Variants in MCPH1 observed in about 807,000 individuals in gnomAD.
The protein encoded by MCPH1 is microcephalin 1.
In MCPH1, 104 loss-of-function variants were observed where a neutral mutation model predicts 84.5. The observed-to-expected ratio is 1.23, with a 90% CI of 1.05 to 1.45. MCPH1 has a LOEUF of 1.45. MCPH1 is among the 40% of genes most tolerant of loss of function. The probability of loss-of-function intolerance (pLI) is 0.00; values close to 1 mark genes in which losing one functional copy is unlikely to be tolerated. For synonymous variants in MCPH1, 514 were observed against 366.8 expected (o/e 1.40, Z -4.58); for missense variants, 1,498 against 1,005.7 (o/e 1.49, Z -6.62).
At chr8:6,642,220 A>G (rs1470514016) in intron 13 of MCPH1, among the ~76,000 whole-genome samples, 1 of 152,166 alleles carries the variant, frequency 6.6e-6, no homozygotes, top group Non-Finnish European at 1.5e-5. Flanking sequence ...AATTGATTTA[A>G]TCTACCTTAT....
At chr8:6,621,132 G>A (rs897734235) in intron 12 of MCPH1, 21 of 392,052 alleles carry the variant, frequency 5.4e-5, no homozygotes, top group African/African-American at 3.3e-4. Context: ...TGAGAGTTCA[G>A]CCTAGCTATG....
intron 9 of MCPH1, among the ~76,000 whole-genome samples, chr8:6,475,123 T>C (rs1322119321): frequency 6.6e-6 from 1 of 152,240 alleles, no homozygotes; most frequent in East Asian, 1.9e-4. Context: ...AGCTATCACA[T>C]TCTCACTTGG....
intron 9 of MCPH1, among the ~76,000 whole-genome samples, chr8:6,471,409 A>G (rs190678522): frequency 1.4e-4 from 22 of 152,270 alleles, no homozygotes; most frequent in Admixed American, 3.3e-4. Context: ...AATGATACTC[A>G]ATTACAGTTT....
intron 12 of MCPH1, chr8:6,502,980 C>CA (rs1347627733): frequency 2.5e-6 from 3 of 1,196,142 alleles, no homozygotes; most frequent in African/African-American, 1.5e-5. Flanking sequence ...TGGGTCCCGT[C>CA]AGCACCGAGC....
At position 6,410,010 on chromosome 8, in the gene MCPH1, G is replaced by T. The variant is rs1301737450; in HGVS notation, c.114+640G>T. Among the ~76,000 whole-genome samples, 6 of 151,440 alleles carry T rather than the reference G, an allele frequency of 4.0e-5. No homozygotes were observed. The South Asian group carries it at 1.0e-3, about 26-fold the overall frequency. ...TTTTGAGACGGAGTCTCGCTCTGTC[G>T]CTAGGCTGGAGTGCAGTGACGCGAT... On this transcript the variant is annotated intron_variant, in intron 2 of 13. Transcript: ENST00000344683.
intron 8 of MCPH1, among the ~76,000 whole-genome samples, chr8:6,447,604 G>T (rs1033720456): frequency 6.6e-6 from 1 of 152,186 alleles, no homozygotes; most frequent in African/African-American, 2.4e-5. Flanking sequence ...AGGTTGGAGT[G>T]CAGTGGCACA....
intron 12 of MCPH1, among the ~76,000 whole-genome samples, chr8:6,597,321 C>T (rs528247007): frequency 6.6e-6 from 1 of 152,150 alleles, no homozygotes; most frequent in African/African-American, 2.4e-5. Context: ...CAGCGTTTCC[C>T]ACCATTGTCT....
At chr8:6,447,970 A>T (rs754663766) in intron 8 of MCPH1, among the ~76,000 whole-genome samples, 5 of 152,204 alleles carry the variant, frequency 3.3e-5, no homozygotes, top group African/African-American at 4.8e-5. Flanking sequence ...TGCTAAGAAG[A>T]CTAGAATTTC....
rs1238156923 is a variant in MCPH1 at position 6,435,381 on chromosome 8, ACT to A, written c.322-663_322-662del. 6.6e-5 allele frequency among the ~76,000 whole-genome samples: 10 copies of A among 152,042 alleles called. No homozygotes were observed. The East Asian group carries it at 1.9e-3, about 29-fold the overall frequency. ...TTGCCTGGCAAGGAGACAGGAGGAA[ACT>A]CTCAAATCCGCCTCCCTGAGGTGGG... On this transcript the variant is annotated intron_variant, in intron 4 of 13. Coordinates refer to ENST00000344683, the MANE Select transcript of MCPH1 (RefSeq NM_024596.5).
In MCPH1 at chr8:6,425,427, G is replaced by GT. The variant is rs544730462; in HGVS notation, c.234-6070dup. Among the ~76,000 whole-genome samples the GT allele has an allele frequency of 1.5e-4, 23 of 152,312 alleles. 1 individual carries two copies. The highest frequency in any genetic ancestry group is 5.1e-4 in the African/African-American group (21 of 41,556). On this transcript the variant is annotated intron_variant, in intron 3 of 13. Coordinates refer to ENST00000344683, the MANE Select transcript of MCPH1 (RefSeq NM_024596.5). ...GGTTTCAGTGTAGCAGCTTTAATGT[G>GT]TTACCACGTGTGCTAAAGCATAGCT...
At chr8:6,495,716 G>T (rs926813145) in intron 11 of MCPH1, among the ~76,000 whole-genome samples, 1 of 152,148 alleles carries the variant, frequency 6.6e-6, no homozygotes, top group African/African-American at 2.4e-5. Flanking sequence ...TGGAGTGAAG[G>T]GTGGATGGAG....
intron 8 of MCPH1, among the ~76,000 whole-genome samples, chr8:6,451,737 C>G (rs1805112357): frequency 6.6e-6 from 1 of 151,894 alleles, no homozygotes; most frequent in Non-Finnish European, 1.5e-5. Context: ...TCTTTCCAGT[C>G]TTAATATTTT....
chr8:6,572,846 A>G (rs752928257), intron 12 of MCPH1, among the ~76,000 whole-genome samples: 2 of 152,210 alleles, frequency 1.3e-5, no homozygotes, highest in Non-Finnish European at 2.9e-5. Context: ...TGCAGGAGGG[A>G]GCCCCCACAC....
intron 13 of MCPH1, among the ~76,000 whole-genome samples, chr8:6,638,494 T>G (rs1195090477): frequency 6.6e-6 from 1 of 151,086 alleles, no homozygotes; most frequent in African/African-American, 2.4e-5. Flanking sequence ...ATCCTAACCA[T>G]AAGACCACAC....
At chr8:6,600,891 C>G (rs1363135398) in intron 12 of MCPH1, among the ~76,000 whole-genome samples, 2 of 152,178 alleles carry the variant, frequency 1.3e-5, no homozygotes, top group Admixed American at 6.5e-5. Flanking sequence ...ACAGACATCT[C>G]ACCCAGGAGA....
intron 2 of MCPH1, among the ~76,000 whole-genome samples, chr8:6,411,285 G>A (rs554313070): frequency 3.3e-5 from 5 of 152,254 alleles, no homozygotes; most frequent in Admixed American, 2.6e-4. Flanking sequence ...ATATCCACCA[G>A]AAGTTTTTAT....
At chr8:6,487,648 G>C (rs1262219371) in intron 11 of MCPH1, among the ~76,000 whole-genome samples, 4 of 152,226 alleles carry the variant, frequency 2.6e-5, no homozygotes, top group African/African-American at 9.6e-5. Context: ...GAGTTTCTGA[G>C]GGTGCCCTTC....
chr8:6,486,218 G>C lies in MCPH1; in HGVS notation c.2136+5342G>C, dbSNP rs191353455. 2.2e-3 allele frequency among the ~76,000 whole-genome samples: 331 copies of C among 151,836 alleles called. 2 individuals are homozygous for C. Among genetic ancestry groups the C allele is most frequent in the African/African-American group, 7.7e-3 (320 of 41,406 alleles). ...ATTTCTTTTAGGGTCAAGATTTAAAGTATCCATATCATATATTATATACAT... is the reference window on the plus strand; with the variant it reads ...ATTTCTTTTAGGGTCAAGATTTAAACTATCCATATCATATATTATATACAT... On this transcript the variant is annotated intron_variant, in intron 11 of 13. Transcript: ENST00000344683.
chr8:6,535,273 C>A (rs930035593), intron 12 of MCPH1, among the ~76,000 whole-genome samples: 1 of 152,144 alleles, frequency 6.6e-6, no homozygotes, highest in Non-Finnish European at 1.5e-5. Context: ...GTTTGCAACT[C>A]TCCAGAGATA....
Sources: allele counts gnomAD v4.1 joint callset (sites outside exome capture counted in the v4.1 genomes callset), GRCh38; gene constraint gnomAD v4.1.1; transcripts MANE v1.5; gene names NCBI Gene and HGNC (gene_info 2026-07-23, HGNC 2026-07-21).